The following DAPK1 variants were observed in gnomAD, a reference collection of about 807,000 sequenced individuals.
The protein encoded by DAPK1 is death associated protein kinase 1.
In DAPK1, 56 loss-of-function variants were observed where a neutral mutation model predicts 144.9. The ratio of observed to expected loss-of-function variants is 0.39; its 90% CI spans 0.31 to 0.48. DAPK1 has a LOEUF of 0.48. Among genes scored for constraint, DAPK1 ranks in the 20% least tolerant of loss-of-function variants. The pLI is 0.95. For synonymous variants in DAPK1, 690 were observed against 749.0 expected (o/e 0.92, Z 1.29); for missense variants, 1,454 against 1,875.4 (o/e 0.78, Z 4.15).
chr9:87,498,235 A>G (rs1824253853), intron 1 of DAPK1, 128 bp downstream of exon 1: 5 of 394,782 alleles, frequency 1.3e-5, no homozygotes, highest in Non-Finnish European at 2.2e-5. Flanking sequence ...GGCGGAGGGA[A>G]ACTTGGCTTC....
intron 2 of DAPK1, among the ~76,000 whole-genome samples, chr9:87,580,212 T>C (rs1827703065): frequency 6.6e-6 from 1 of 152,228 alleles, no homozygotes; most frequent in African/African-American, 2.4e-5. Context: ...GAAACTGCCC[T>C]GTGTGCTCTT....
At chr9:87,657,806 CT>C (rs1806756214) in intron 17 of DAPK1, 1 of 553,166 alleles carries the variant, frequency 1.8e-6, no homozygotes, top group African/African-American at 1.9e-5. Context: ...CTTAAGTTAT[CT>C]TTGAAGTTGT....
intron 20 of DAPK1, among the ~76,000 whole-genome samples, chr9:87,682,128 G>C (rs1247228308): frequency 1.3e-5 from 2 of 152,170 alleles, no homozygotes; most frequent in Non-Finnish European, 2.9e-5. Flanking sequence ...TTTCCAGGAA[G>C]CACCATCCTG....
intron 3 of DAPK1, among the ~76,000 whole-genome samples, chr9:87,617,007 G>C (rs1051113609): frequency 1.3e-5 from 2 of 152,200 alleles, no homozygotes; most frequent in African/African-American, 4.8e-5. Flanking sequence ...TGGGTTCAAA[G>C]AGATTTGTCT....
At chr9:87,522,744 G>T (rs1215872567) in intron 2 of DAPK1, among the ~76,000 whole-genome samples, 1 of 152,210 alleles carries the variant, frequency 6.6e-6, no homozygotes, top group Non-Finnish European at 1.5e-5. Context: ...TCAGTTTTCA[G>T]CCCAACTACA....
At chr9:87,682,668 A>G (rs3128478) in intron 20 of DAPK1, among the ~76,000 whole-genome samples, 70,672 of 152,102 alleles carry the variant, frequency 0.46, 17,289 homozygotes, top group East Asian at 0.72. Flanking sequence ...GTTATAATTC[A>G]TATTATTATA....
chr9:87,531,984 T>C (rs1825718664), intron 2 of DAPK1, among the ~76,000 whole-genome samples: 1 of 152,210 alleles, frequency 6.6e-6, no homozygotes, highest in Non-Finnish European at 1.5e-5. Flanking sequence ...AGAGGCATCA[T>C]CATTACTAAC....
chr9:87,598,548 G>A (rs1828399617), intron 2 of DAPK1, among the ~76,000 whole-genome samples: 1 of 152,050 alleles, frequency 6.6e-6, no homozygotes, highest in Non-Finnish European at 1.5e-5. Flanking sequence ...CTGGATCAGG[G>A]CCAGCAATGA....
At position 87,630,798 on chromosome 9, in the gene DAPK1, G is replaced by T. The variant is rs151226522; in HGVS notation, c.285-7145G>T. On this transcript the variant is annotated intron_variant, in intron 3 of 25. Transcript: ENST00000408954. ...GGCCTTGAGAAATGAGCTTATCTGC[G>T]TGTCATCTCTGCTTCAGGATGAACA... 3.0e-3 allele frequency among the ~76,000 whole-genome samples: 458 copies of T among 152,286 alleles called. 3 individuals are homozygous for T. Among genetic ancestry groups the T allele is most frequent in the Non-Finnish European group, 4.3e-3 (291 of 68,022 alleles).
At chr9:87,536,068 C>A (rs899195307) in intron 2 of DAPK1, among the ~76,000 whole-genome samples, 2 of 152,186 alleles carry the variant, frequency 1.3e-5, no homozygotes, top group Non-Finnish European at 2.9e-5. Flanking sequence ...CCAGCTGATT[C>A]ATTTATGTTC....
intron 2 of DAPK1, among the ~76,000 whole-genome samples, chr9:87,556,250 C>G (rs1435733541): frequency 1.3e-5 from 2 of 152,180 alleles, no homozygotes; most frequent in Non-Finnish European, 2.9e-5. Context: ...CTCATTTAAT[C>G]TTCACAACAG....
intron 2 of DAPK1, among the ~76,000 whole-genome samples, chr9:87,505,422 G>A (rs1824549761): frequency 6.6e-6 from 1 of 152,188 alleles, no homozygotes; most frequent in Non-Finnish European, 1.5e-5. Flanking sequence ...TTGAGACGGA[G>A]TCTCACTCTG....
chr9:87,653,996 A>C (rs1378992899), intron 17 of DAPK1, among the ~76,000 whole-genome samples: 1 of 152,188 alleles, frequency 6.6e-6, no homozygotes, highest in Non-Finnish European at 1.5e-5. Flanking sequence ...ACCTGGCCCT[A>C]TATTTTTCTG....
chr9:87,534,024 A>G (rs1825783974), intron 2 of DAPK1, among the ~76,000 whole-genome samples: 1 of 151,924 alleles, frequency 6.6e-6, no homozygotes, highest in African/African-American at 2.4e-5. Context: ...ATTTAGTTAT[A>G]CATTTGCATA....
intron 24 of DAPK1, 98 bp downstream of exon 24, chr9:87,700,335 G>A (rs922466209): frequency 2.3e-6 from 2 of 876,686 alleles, no homozygotes; most frequent in South Asian, 1.5e-5. Flanking sequence ...CCAGTAAGAG[G>A]TGTCTGCCTG....
chr9:87,675,848 TACACACACACAC>T (rs763359644), intron 19 of DAPK1, among the ~76,000 whole-genome samples: 58 of 117,346 alleles, frequency 4.9e-4, no homozygotes, highest in South Asian at 2.8e-3. Context: ...CATTCTACCC[TACACACACACAC>T]ACACACACAC....
intron 2 of DAPK1, among the ~76,000 whole-genome samples, chr9:87,588,229 G>T (rs1828003335): frequency 6.6e-6 from 1 of 152,186 alleles, no homozygotes; most frequent in African/African-American, 2.4e-5. Flanking sequence ...GACTTGAATT[G>T]GTGGTTTCTG....
chr9:87,648,813 C>G lies in DAPK1; in HGVS notation c.1362C>G (p.Arg454=). Residue 454 remains arginine, a synonymous_variant, in exon 15 of 26, where the codon CGC becomes CGG. Coordinates refer to ENST00000408954, the MANE Select transcript of DAPK1 (RefSeq NM_004938.4). Reference sequence around the variant, plus strand: ...AGATGGCCCTCCACGTGGCAGCTCGCTATGGCCATGCTGACGTGGCTCAGT... The same window carrying G: ...AGATGGCCCTCCACGTGGCAGCTCGGTATGGCCATGCTGACGTGGCTCAGT... ...SGEMALHVAA[R]YGHADVAQLL... 6.2e-7 allele frequency: 1 copy of G among 1,614,222 alleles called. No homozygotes were observed. The highest frequency in any genetic ancestry group is 1.1e-5 in the South Asian group (1 of 91,088).
At chr9:87,626,920 C>G (rs778907145) in intron 3 of DAPK1, among the ~76,000 whole-genome samples, 5 of 151,902 alleles carry the variant, frequency 3.3e-5, no homozygotes, top group African/African-American at 1.2e-4. Flanking sequence ...ACACCATACT[C>G]GTGATAGTGC....
Sources: allele counts gnomAD v4.1 joint callset (sites outside exome capture counted in the v4.1 genomes callset), GRCh38; gene constraint gnomAD v4.1.1; transcripts MANE v1.5; gene names NCBI Gene and HGNC (gene_info 2026-07-23, HGNC 2026-07-21).